Variants in TRIO observed in about 807,000 individuals in gnomAD.
TRIO encodes triple functional domain protein.
In TRIO, 58 loss-of-function variants were observed where a neutral mutation model predicts 351.9. The observed-to-expected ratio is 0.16, with a 90% CI of 0.13 to 0.21. The LOEUF (loss-of-function observed/expected upper bound fraction) is 0.21. Ranked by LOEUF, TRIO falls within the 10% of genes least tolerant of loss-of-function variation. The probability of loss-of-function intolerance (pLI) is 1.00; values close to 1 mark genes in which losing one functional copy is unlikely to be tolerated. For synonymous variants in TRIO, 1,758 were observed against 1,595.7 expected (o/e 1.10, Z -2.42); for missense variants, 3,201 against 4,027.8 (o/e 0.79, Z 5.56).
At chr5:14,496,736 T>C in intron 49 of TRIO, 143 bp from the exon 50 acceptor site, 2 of 1,071,288 alleles carry the variant, frequency 1.9e-6, no homozygotes, top group South Asian at 4.4e-5. Context: ...ACATTTTCTC[T>C]AACAGAGGTC....
At chr5:14,245,776 C>T (rs1794403276) in intron 1 of TRIO, among the ~76,000 whole-genome samples, 2 of 152,232 alleles carry the variant, frequency 1.3e-5, no homozygotes, top group Non-Finnish European at 2.9e-5. Flanking sequence ...GCCCGTGCCA[C>T]AGATCCAGAA....
chr5:14,291,861 A>G (rs888449159), intron 5 of TRIO, among the ~76,000 whole-genome samples: 3 of 151,730 alleles, frequency 2.0e-5, no homozygotes. Flanking sequence ...CACCATTCCA[A>G]TCTATTGAGT....
At chr5:14,506,508 G>A (rs757830987) in intron 55 of TRIO, among the ~76,000 whole-genome samples, 14 of 152,332 alleles carry the variant, frequency 9.2e-5, no homozygotes, top group Non-Finnish European at 1.9e-4. Flanking sequence ...GAGTTTCCTC[G>A]TGTATCAAAT....
chr5:14,481,781 T>C (rs1755540792), intron 45 of TRIO, 163 bp downstream of exon 45: 1 of 705,236 alleles, frequency 1.4e-6, no homozygotes, highest in East Asian at 3.0e-5. Flanking sequence ...CTTTTTTTTT[T>C]TTTTTTTTTT....
chr5:14,479,845 G>GACAATT, intron 42 of TRIO, 74 bp from the exon 43 acceptor site: 1 of 1,355,566 alleles, frequency 7.4e-7, no homozygotes, highest in Non-Finnish European at 1.0e-6. Flanking sequence ...TAGTCTTTCT[G>GACAATT]ACAATTACAA....
intron 11 of TRIO, among the ~76,000 whole-genome samples, chr5:14,351,485 C>T (rs1408732155): frequency 6.6e-6 from 1 of 152,194 alleles, no homozygotes; most frequent in Admixed American, 6.5e-5. Flanking sequence ...CCCATTCCCA[C>T]AAGTACCCAG....
intron 41 of TRIO, 77 bp from the exon 42 acceptor site, chr5:14,479,184 G>A: frequency 8.1e-7 from 1 of 1,240,810 alleles, no homozygotes; most frequent in Non-Finnish European, 1.2e-6. Context: ...TGAATGTGCT[G>A]AAATGTGCGG....
intron 1 of TRIO, among the ~76,000 whole-genome samples, chr5:14,254,522 T>A (rs1794920872): frequency 6.6e-6 from 1 of 152,116 alleles, no homozygotes; most frequent in Admixed American, 6.6e-5. Flanking sequence ...ATGTGCCATG[T>A]GAGGCGCCTG....
chr5:14,278,126 A>G (rs1735700682), intron 2 of TRIO, among the ~76,000 whole-genome samples: 1 of 152,202 alleles, frequency 6.6e-6, no homozygotes. Flanking sequence ...ACTTGGTAGC[A>G]AGTCTTAGGA....
At chr5:14,362,383 C>T (rs1744225124) in intron 13 of TRIO, among the ~76,000 whole-genome samples, 1 of 152,202 alleles carries the variant, frequency 6.6e-6, no homozygotes, top group African/African-American at 2.4e-5. Flanking sequence ...TTGTCATCGA[C>T]TCCCAGCGTG....
At chr5:14,488,939 T>G (rs1200036550) in intron 48 of TRIO, 2 of 763,798 alleles carry the variant, frequency 2.6e-6, no homozygotes, top group African/African-American at 3.4e-5. Context: ...GGCCCATCAC[T>G]CATGCTGCCG....
chr5:14,363,868 T>C lies in TRIO; in HGVS notation c.2528T>C (p.Phe843Ser). The C allele has an allele frequency of 1.2e-6, 2 of 1,614,210 alleles. No homozygotes were observed. Among genetic ancestry groups the C allele is most frequent in the Non-Finnish European group, 1.7e-6 (2 of 1,180,028 alleles). Residue 843 changes from phenylalanine (F) to serine (S), a missense_variant, in exon 14 of 57, where the codon TTT becomes TCT. By Grantham distance (155) the Phe-to-Ser change is radical. This residue lies in a region of TRIO where 363 missense variants were observed against 553.5 expected (regional missense o/e 0.66). Transcript: ENST00000344204. Reference protein sequence around the residue: ...DKALTMNNLTFDVIHQGQDLL... With the variant: ...DKALTMNNLTSDVIHQGQDLL... ...GCCTTGACCATGAACAACTTGACTT[T>C]TGACGTCATCCACCAAGGGCAAGAT... is the stretch of plus-strand genomic sequence containing the variant.
At chr5:14,421,848 T>C (rs1312339859) in intron 34 of TRIO, among the ~76,000 whole-genome samples, 1 of 152,022 alleles carries the variant, frequency 6.6e-6, no homozygotes, top group African/African-American at 2.4e-5. Flanking sequence ...GGGATGAGGA[T>C]TTAGACGTGG....
intron 1 of TRIO, among the ~76,000 whole-genome samples, chr5:14,197,033 C>T (rs1247179892): frequency 6.6e-6 from 1 of 152,134 alleles, no homozygotes; most frequent in Non-Finnish European, 1.5e-5. Context: ...TTATTCTATA[C>T]TTGTAAAAAA....
At chr5:14,364,058 T>A in intron 14 of TRIO, 131 bp downstream of exon 14, 1 of 858,054 alleles carries the variant, frequency 1.2e-6, no homozygotes, top group Non-Finnish European at 1.7e-6. Context: ...ACCTGTTCTT[T>A]AAAAGAACGT....
rs555311766 is a variant in TRIO at position 14,280,595 on chromosome 5, T to G, written c.347+159T>G. On this transcript the variant is annotated intron_variant, in intron 3 of 56. Coordinates refer to ENST00000344204, the MANE Select transcript of TRIO (RefSeq NM_007118.4). ...CACCTTATTACCATTTTGTGACCAT[T>G]ATTGTCTAGTGTAAAGCCCTTTGGG... Among the ~76,000 whole-genome samples, 4 of 152,330 alleles carry G rather than the reference T, an allele frequency of 2.6e-5. No homozygotes were observed. The East Asian group carries it at 7.7e-4, about 29-fold the overall frequency.
At chr5:14,413,207 C>A (rs909458986) in intron 33 of TRIO, among the ~76,000 whole-genome samples, 2 of 152,138 alleles carry the variant, frequency 1.3e-5, no homozygotes, top group Non-Finnish European at 2.9e-5. Flanking sequence ...GGAAGCTGTC[C>A]TAAGAATGAA....
rs147886453 is a variant in TRIO at position 14,499,106 on chromosome 5, C to T, written c.8332+466C>T. 1,236 of 158,816 alleles carry T rather than the reference C, an allele frequency of 7.8e-3. 13 individuals are homozygous for T. The highest frequency in any genetic ancestry group is 0.028 in the African/African-American group (1,155 of 41,724). The allele number at this position is 158,816 out of a possible 1,614,324, so 9.8% of individuals were successfully genotyped here. A position where few individuals can be genotyped will look rare whatever the true frequency, so the allele number is the denominator to read the frequency against. Reference sequence around the variant, plus strand: ...GAGATGTGGGTGAGTCCCGGGCCTGCGCAGGCCCTGTGCCTGTCTGAGACC... The same window carrying T: ...GAGATGTGGGTGAGTCCCGGGCCTGTGCAGGCCCTGTGCCTGTCTGAGACC... On this transcript the variant is annotated intron_variant, in intron 53 of 56. Transcript: ENST00000344204.
Position 14,394,066 on chromosome 5 carries a change from A to G in TRIO, c.4247A>G (p.Asn1416Ser), listed in dbSNP as rs1393674842. The stretch of plus-strand genomic sequence containing the variant: ...ATACAGCAGCGACATGGATTAGCCA[A>G]TTCCATTTCTTCCTACCTTATTAAA... ...DEIQQRHGLA[N>S]SISSYLIKPV... The change falls in exon 28 of 57, where the codon AAT (asparagine) becomes AGT (serine). Residue 1416 changes from asparagine (N) to serine (S), a missense_variant. Physicochemically the swap from Asn to Ser is conservative, Grantham distance 46. This residue lies in a region of TRIO where 115 missense variants were observed against 239.6 expected (regional missense o/e 0.48). Transcript: ENST00000344204. 1.9e-6 allele frequency: 3 copies of G among 1,613,440 alleles called. No homozygotes were observed. The highest frequency in any genetic ancestry group is 2.5e-6 in the Non-Finnish European group (3 of 1,179,700).
Sources: allele counts gnomAD v4.1 joint callset (sites outside exome capture counted in the v4.1 genomes callset), GRCh38; gene constraint gnomAD v4.1.1; regional missense constraint gnomAD v4.1.1; transcripts MANE v1.5; gene names NCBI Gene and HGNC (gene_info 2026-07-23, HGNC 2026-07-21).